MBNL1: variants seen among roughly 807,000 people sequenced by gnomAD.
The protein encoded by MBNL1 is muscleblind-like protein 1.
A neutral mutation model predicts 42.2 loss-of-function variants in MBNL1; 8 were observed. The ratio of observed to expected loss-of-function variants is 0.19; its 90% CI spans 0.11 to 0.34. The LOEUF is 0.34. Ranked by LOEUF, MBNL1 falls within the 10% of genes least tolerant of loss-of-function variation. MBNL1 has a pLI of 1.00. For synonymous variants in MBNL1, 169 were observed against 173.9 expected, an observed-to-expected ratio of 0.97 and a Z score of 0.22; for missense variants, 309 against 495.3, an observed-to-expected ratio of 0.62 and a Z score of 3.57.
At chr3:152,279,200 C>T (rs1354570129) in intron 1 of MBNL1, among the ~76,000 whole-genome samples, 1 of 152,064 alleles carries the variant, frequency 6.6e-6, no homozygotes, top group Non-Finnish European at 1.5e-5. Context: ...AGATAGACAA[C>T]CTGGTAGTGA....
chr3:152,249,676 G>C (rs1279662700), intron 2 of MBNL1, among the ~76,000 whole-genome samples: 1 of 150,678 alleles, frequency 6.6e-6, no homozygotes, highest in Non-Finnish European at 1.5e-5. Context: ...TGGTGTTTTA[G>C]ACATGAAGTC....
chr3:152,450,332 A>G (rs1258677540), intron 6 of MBNL1, among the ~76,000 whole-genome samples: 1 of 152,164 alleles, frequency 6.6e-6, no homozygotes, highest in Non-Finnish European at 1.5e-5. Flanking sequence ...TTTTCATTAT[A>G]TAATATATAC....
At chr3:152,272,867 T>C (rs1359275738) in intron 1 of MBNL1, among the ~76,000 whole-genome samples, 3 of 152,176 alleles carry the variant, frequency 2.0e-5, no homozygotes, top group African/African-American at 7.2e-5. Context: ...TGAAGTACAT[T>C]TTGCCATTCA....
intron 2 of MBNL1, among the ~76,000 whole-genome samples, chr3:152,261,858 T>G (rs771307926): frequency 2.0e-5 from 3 of 152,182 alleles, no homozygotes; most frequent in Non-Finnish European, 4.4e-5. Context: ...GCCATGAAGC[T>G]CTTAACAAGT....
At chr3:152,446,808 C>A (rs1002557488) in intron 5 of MBNL1, 3 of 1,485,888 alleles carry the variant, frequency 2.0e-6, no homozygotes, top group Non-Finnish European at 2.8e-6. Context: ...ATTGTAGATA[C>A]AAGTTTTTTT....
chr3:152,388,861 C>T (rs1270642599), intron 2 of MBNL1, among the ~76,000 whole-genome samples: 2 of 152,108 alleles, frequency 1.3e-5, no homozygotes, highest in Non-Finnish European at 2.9e-5. Context: ...ATCTTTATCA[C>T]ACACAATGAA....
intron 1 of MBNL1, among the ~76,000 whole-genome samples, chr3:152,270,605 G>A (rs2040858919): frequency 1.3e-5 from 2 of 152,196 alleles, no homozygotes; most frequent in African/African-American, 2.4e-5. Context: ...GGAATGTGCA[G>A]TTCAATACTT....
At chr3:152,269,253 A>T in intron 1 of MBNL1, 161 bp downstream of exon 1, 1 of 315,366 alleles carries the variant, frequency 3.2e-6, no homozygotes, top group Non-Finnish European at 6.3e-6. Flanking sequence ...GTCCCTCAGC[A>T]CCTCCTGCCC....
At chr3:152,366,517 A>G (rs998369726) in intron 2 of MBNL1, among the ~76,000 whole-genome samples, 3 of 152,200 alleles carry the variant, frequency 2.0e-5, no homozygotes, top group Non-Finnish European at 2.9e-5. Flanking sequence ...GCTATGGAAA[A>G]TTTAACCGAA....
At chr3:152,248,014 T>C (rs947272894) in intron 2 of MBNL1, among the ~76,000 whole-genome samples, 9 of 152,060 alleles carry the variant, frequency 5.9e-5, no homozygotes, top group African/African-American at 2.2e-4. Context: ...TTTTAATATG[T>C]AGTGGTTATC....
chr3:152,281,947 C>T (rs2150385795), intron 1 of MBNL1, among the ~76,000 whole-genome samples: 1 of 152,138 alleles, frequency 6.6e-6, no homozygotes, highest in East Asian at 1.9e-4. Context: ...TAGAGCATGT[C>T]CATGTGTGTA....
At chr3:152,273,517 A>G (rs905661089) in intron 1 of MBNL1, among the ~76,000 whole-genome samples, 3 of 152,214 alleles carry the variant, frequency 2.0e-5, no homozygotes, top group African/African-American at 7.2e-5. Context: ...TATGTGTAAC[A>G]CACATCTTGA....
intron 3 of MBNL1, among the ~76,000 whole-genome samples, chr3:152,415,934 C>T (rs979532086): frequency 2.6e-5 from 4 of 152,076 alleles, no homozygotes; most frequent in African/African-American, 7.2e-5. Flanking sequence ...GGTGCTTTGA[C>T]GTTAATTGTG....
upstream of MBNL1, chr3:152,267,992 A>T (rs2037740320): frequency 6.6e-6 from 1 of 152,240 alleles, no homozygotes; most frequent in African/African-American, 2.4e-5. Flanking sequence ...CCAAAACTTC[A>T]TCACATCACA....
At chr3:152,308,616 A>T (rs561821631) in intron 2 of MBNL1, among the ~76,000 whole-genome samples, 1 of 152,010 alleles carries the variant, frequency 6.6e-6, no homozygotes, top group African/African-American at 2.4e-5. Context: ...GTTTCTAAGG[A>T]CTCAGCCTGC....
At chr3:152,448,704 AG>A (rs1381586695) in intron 6 of MBNL1, among the ~76,000 whole-genome samples, 3 of 152,154 alleles carry the variant, frequency 2.0e-5, no homozygotes, top group African/African-American at 7.2e-5. Context: ...CTATACTGGC[AG>A]TATTTACAGT....
intron 6 of MBNL1, among the ~76,000 whole-genome samples, chr3:152,455,161 T>C (rs950722970): frequency 6.6e-6 from 1 of 152,174 alleles, no homozygotes; most frequent in African/African-American, 2.4e-5. Context: ...GTTAAGGCAT[T>C]CATAAGTTAA....
At chr3:152,245,462 T>C (rs939091377) in intron 2 of MBNL1, among the ~76,000 whole-genome samples, 12 of 152,186 alleles carry the variant, frequency 7.9e-5, no homozygotes, top group Non-Finnish European at 1.2e-4. Flanking sequence ...TGAATCCTTT[T>C]GAGAAAGTTT....
intron 2 of MBNL1, among the ~76,000 whole-genome samples, chr3:152,312,880 G>A (rs1016370586): frequency 1.3e-5 from 2 of 152,098 alleles, no homozygotes; most frequent in Non-Finnish European, 2.9e-5. Flanking sequence ...TTATTTTGTA[G>A]CAAATAAATA....
Sources: gnomAD v4.1 joint callset for allele counts (sites outside exome capture counted in the v4.1 genomes callset) on GRCh38, gnomAD v4.1.1 for gene constraint, MANE v1.5 for transcripts, NCBI Gene and HGNC (gene_info 2026-07-23, HGNC 2026-07-21) for gene names.